LAMC3: variants seen among roughly 807,000 people sequenced by gnomAD.
LAMC3 encodes the protein laminin subunit gamma 3, also known as laminin subunit gamma-3.
In LAMC3, 128 loss-of-function variants were observed where a neutral mutation model predicts 173.8. The observed-to-expected ratio is 0.74, with a 90% confidence interval of 0.64 to 0.85. The LOEUF (loss-of-function observed/expected upper bound fraction) is 0.85. Among genes scored for constraint, LAMC3 ranks in the 40% least tolerant of loss-of-function variants. The probability of loss-of-function intolerance (pLI) is 0.00; values close to 1 mark genes in which losing one functional copy is unlikely to be tolerated. For synonymous variants in LAMC3, 897 were observed against 909.1 expected (o/e 0.99, Z 0.24); for missense variants, 2,022 against 2,156.0 (o/e 0.94, Z 1.23).
chr9:131,091,763 C>T lies in LAMC3; in HGVS notation c.4704C>T (p.Pro1568=), dbSNP rs145337606. The change falls in exon 28 of 28, where the codon CCC becomes CCT. Residue 1568 remains proline (P), a synonymous_variant. Coordinates refer to ENST00000361069, the MANE Select transcript of LAMC3 (RefSeq NM_006059.4). ...QNLEAILHSL[P]ENCASWQ ...TGGAGGCCATTCTGCACAGCCTGCC[C>T]GAGAACTGTGCCAGCTGGCAGTGAG... is the stretch of plus-strand genomic sequence containing the variant. 1.8e-4 allele frequency: 285 copies of T among 1,612,842 alleles called. No homozygotes were observed. Among genetic ancestry groups the T allele is most frequent in the Non-Finnish European group, 2.2e-4 (265 of 1,179,992 alleles).
chr9:131,088,927 TA>T (rs907498896), intron 27 of LAMC3, among the ~76,000 whole-genome samples: 1 of 151,408 alleles, frequency 6.6e-6, no homozygotes, highest in African/African-American at 2.4e-5. Context: ...TCTAAAGATA[TA>T]AAAAAAATTA....
Position 131,074,627 on chromosome 9 carries a change from T to C in LAMC3, c.3495-1204T>C, listed in dbSNP as rs1588165414. On this transcript the variant is annotated intron_variant, in intron 20 of 27. Transcript: ENST00000361069. ...AGGAGAATCGCTTGAACCTGGGAGG[T>C]GGAGGTTGCAGTGAGCTGAGATTAC... Among the ~76,000 whole-genome samples, 4 of 145,752 alleles carry C rather than the reference T, an allele frequency of 2.7e-5. No individual in the cohort carries two copies. In the South Asian group the frequency reaches 8.8e-4, roughly 32 times the overall value.
intron 6 of LAMC3, among the ~76,000 whole-genome samples, chr9:131,039,576 G>A (rs1243022989): frequency 1.3e-5 from 2 of 151,630 alleles, no homozygotes; most frequent in East Asian, 1.9e-4. Flanking sequence ...CTCTGGAGGA[G>A]CCGTGGATCA....
chr9:131,044,221 G>A (rs1239148656), intron 7 of LAMC3, among the ~76,000 whole-genome samples: 1 of 151,470 alleles, frequency 6.6e-6, no homozygotes, highest in Non-Finnish European at 1.5e-5. Context: ...CTCCCAAAGT[G>A]CGTGAGCCGG....
At chr9:131,088,103 C>A (rs1830362136) in intron 27 of LAMC3, among the ~76,000 whole-genome samples, 1 of 152,148 alleles carries the variant, frequency 6.6e-6, no homozygotes, top group Non-Finnish European at 1.5e-5. Context: ...GAAAACTCAC[C>A]ATTGGCAAGA....
At position 131,077,343 on chromosome 9, in the gene LAMC3, A is replaced by C; in HGVS notation, c.3777+9A>C. The C allele has an allele frequency of 6.2e-7, 1 of 1,613,444 alleles. No individual in the cohort carries two copies. The highest frequency in any genetic ancestry group is 8.5e-7 in the Non-Finnish European group (1 of 1,179,994). Reference sequence around the variant, plus strand: ...CTTCCCCGGGAGCTCTGGTCAGCTCAGTTGTCTCAGAGCTCCGTGTGGGGT... The same window carrying C: ...CTTCCCCGGGAGCTCTGGTCAGCTCCGTTGTCTCAGAGCTCCGTGTGGGGT... On this transcript the variant is annotated intron_variant, in intron 22 of 27. Coordinates refer to ENST00000361069, the MANE Select transcript of LAMC3 (RefSeq NM_006059.4).
rs387906887 is a variant in LAMC3, at chr9:131,039,043, C to T, written c.1156C>T (p.Gln386Ter). ...GATGCCATGCCAGCCCTGTGACTGC[C>T]AGTCGGCAGGTGAGTGGACTCCACA... Reference protein sequence around the residue: ...PRMPCQPCDCQSAGSLHLQCD... With the variant: ...PRMPCQPCDC Residue 386 changes from glutamine to a stop codon, truncating the protein, a stop_gained, in exon 5 of 28, where the codon CAG (glutamine) becomes TAG (stop). Coordinates refer to ENST00000361069, the MANE Select transcript of LAMC3 (RefSeq NM_006059.4). LOFTEE classifies it high-confidence loss of function. The T allele has an allele frequency of 6.2e-7, 1 of 1,613,426 alleles. No individual in the cohort carries two copies. Among genetic ancestry groups the T allele is most frequent in the Non-Finnish European group, 8.5e-7 (1 of 1,179,978 alleles).
intron 23 of LAMC3, among the ~76,000 whole-genome samples, chr9:131,081,068 T>C (rs1588168936): frequency 6.6e-6 from 1 of 152,150 alleles, no homozygotes; most frequent in East Asian, 1.9e-4. Context: ...CATTTCCACT[T>C]CCGAGGCCCG....
rs140508494 is a variant in LAMC3 at position 131,012,215 on chromosome 9, A to G, written c.373+2628A>G. Among the ~76,000 whole-genome samples, 599 of 152,302 alleles carry G rather than the reference A, an allele frequency of 3.9e-3. 5 individuals are homozygous for G. Among genetic ancestry groups the G allele is most frequent in the African/African-American group, 0.014 (569 of 41,546 alleles). On this transcript the variant is annotated intron_variant, in intron 1 of 27. Coordinates refer to ENST00000361069, the MANE Select transcript of LAMC3 (RefSeq NM_006059.4). ...CTCCTCTGTCCTGTGCTCTGGGGCC[A>G]GCTCAGCATTCTCTTTTGCCTGCTC...
At chr9:131,050,732 C>T (rs936879785) in intron 9 of LAMC3, among the ~76,000 whole-genome samples, 4 of 151,066 alleles carry the variant, frequency 2.6e-5, no homozygotes, top group Non-Finnish European at 4.4e-5. Context: ...TGCACCACTA[C>T]ACTCCAGCCT....
intron 27 of LAMC3, among the ~76,000 whole-genome samples, chr9:131,090,492 C>A (rs974036819): frequency 6.6e-6 from 1 of 152,222 alleles, no homozygotes; most frequent in East Asian, 1.9e-4. Context: ...CCTTGGCTCC[C>A]CTCTGCCTTC....
chr9:131,060,941 C>G, intron 12 of LAMC3, 94 bp from the exon 13 acceptor site: 1 of 1,328,128 alleles, frequency 7.5e-7, no homozygotes. Flanking sequence ...CACCCCACTT[C>G]TGCCCGGGAT....
chr9:131,028,073 G>A (rs1041871851), intron 2 of LAMC3, among the ~76,000 whole-genome samples: 2 of 152,178 alleles, frequency 1.3e-5, no homozygotes, highest in East Asian at 1.9e-4. Context: ...AGATGAGCGC[G>A]GGCAGGTGAG....
chr9:131,050,771 A>G (rs1469869441), intron 9 of LAMC3, among the ~76,000 whole-genome samples: 1 of 55,598 alleles, frequency 1.8e-5, no homozygotes, highest in African/African-American at 1.1e-4. Flanking sequence ...CCATCTCCAA[A>G]AAAAGGAAAA....
At chr9:131,090,738 A>C (rs1355553186) in intron 27 of LAMC3, among the ~76,000 whole-genome samples, 1 of 152,040 alleles carries the variant, frequency 6.6e-6, no homozygotes, top group Admixed American at 6.5e-5. Context: ...AAAAAATACA[A>C]AAATTAGGCA....
At chr9:131,060,372 G>A (rs997010259) in intron 12 of LAMC3, among the ~76,000 whole-genome samples, 33 of 152,292 alleles carry the variant, frequency 2.2e-4, no homozygotes, top group Middle Eastern at 6.8e-3. Flanking sequence ...GGCCGGGCAC[G>A]GTGGCTCACA....
At chr9:131,068,343 C>T (rs1429686922) in intron 15 of LAMC3, 112 bp downstream of exon 15, 1 of 1,106,806 alleles carries the variant, frequency 9.0e-7, no homozygotes, top group South Asian at 1.5e-5. Context: ...AGGCCCACTG[C>T]CAGGCACATT....
chr9:131,046,667 C>T (rs1834168733), intron 8 of LAMC3, among the ~76,000 whole-genome samples: 1 of 151,514 alleles, frequency 6.6e-6, no homozygotes, highest in South Asian at 2.1e-4. Flanking sequence ...CTGTTTTGCC[C>T]TTAACCGCTG....
chr9:131,083,611 A>C (rs946365549), intron 24 of LAMC3, among the ~76,000 whole-genome samples: 1 of 152,140 alleles, frequency 6.6e-6, no homozygotes, highest in African/African-American at 2.4e-5. Context: ...GAGAATATTA[A>C]AGGTTCTGAG....
Sources: allele counts gnomAD v4.1 joint callset (sites outside exome capture counted in the v4.1 genomes callset), GRCh38; gene constraint gnomAD v4.1.1; transcripts MANE v1.5; gene names NCBI Gene and HGNC (gene_info 2026-07-23, HGNC 2026-07-21).